Variants in SYN3 observed in about 807,000 individuals in gnomAD.
The protein encoded by SYN3 is synapsin-3.
A neutral mutation model predicts 65.8 loss-of-function variants in SYN3; 35 were observed. That is an observed-to-expected ratio of 0.53 (90% CI 0.41 to 0.70). The LOEUF (loss-of-function observed/expected upper bound fraction) is 0.70. SYN3 is among the 30% of genes least tolerant of loss of function. The pLI, the probability that SYN3 is intolerant of heterozygous loss-of-function variation, is 0.00. For missense variants in SYN3, 680 were observed against 749.0 expected, an observed-to-expected ratio of 0.91 and a Z score of 1.08; for synonymous variants, 270 against 292.9, an observed-to-expected ratio of 0.92 and a Z score of 0.80.
At chr22:32,953,986 A>G (rs58952697) in intron 3 of SYN3, among the ~76,000 whole-genome samples, 6,808 of 152,216 alleles carry the variant, frequency 0.045, 498 homozygotes, top group African/African-American at 0.15. Context: ...TACATTTGCT[A>G]GGATCGAGGT....
chr22:32,736,587 G>T (rs1049645724), intron 6 of SYN3, among the ~76,000 whole-genome samples: 4 of 151,992 alleles, frequency 2.6e-5, no homozygotes, highest in Non-Finnish European at 4.4e-5. Flanking sequence ...AAAAAACTGA[G>T]GCTCAGGAAT....
intron 1 of SYN3, among the ~76,000 whole-genome samples, chr22:33,051,972 G>C (rs2054174117): frequency 6.6e-6 from 1 of 152,122 alleles, no homozygotes. Flanking sequence ...CTTCCTTGTA[G>C]CTCCTGGTGA....
intron 6 of SYN3, among the ~76,000 whole-genome samples, chr22:32,811,516 G>A (rs1251027967): frequency 6.6e-6 from 1 of 152,180 alleles, no homozygotes; most frequent in African/African-American, 2.4e-5. Flanking sequence ...ATCGTGGTTT[G>A]ATCCCCCCGC....
chr22:32,697,118 T>C (rs2060747429), intron 6 of SYN3, among the ~76,000 whole-genome samples: 1 of 152,184 alleles, frequency 6.6e-6, no homozygotes, highest in Non-Finnish European at 1.5e-5. Flanking sequence ...ATCGAACATG[T>C]ATGAAGGAGC....
chr22:32,787,852 A>G (rs1035019076), intron 6 of SYN3, among the ~76,000 whole-genome samples: 1 of 152,084 alleles, frequency 6.6e-6, no homozygotes, highest in Non-Finnish European at 1.5e-5. Flanking sequence ...CTGCAGAATT[A>G]GAAGGATCTG....
intron 6 of SYN3, among the ~76,000 whole-genome samples, chr22:32,841,727 TGCACACTCG>T (rs1400889475): frequency 6.6e-6 from 1 of 151,904 alleles, no homozygotes; most frequent in Non-Finnish European, 1.5e-5. Flanking sequence ...AAATAGCTAA[TGCACACTCG>T]GCTTAATACC....
In SYN3 at chr22:32,761,893, G is replaced by C. The variant is rs559936940; in HGVS notation, c.711+103022C>G. 6.6e-5 allele frequency among the ~76,000 whole-genome samples: 10 copies of C among 152,304 alleles called. No homozygotes were observed. In the East Asian group the frequency reaches 1.9e-3, roughly 29 times the overall value. On this transcript the variant is annotated intron_variant, in intron 6 of 13. Transcript: ENST00000358763. ...CTTAAAATAACTGCACCCGGAGATT[G>C]TCGGATACGGGATGGGGAAGGGGAA...
chr22:32,795,576 T>C (rs1484173279), intron 6 of SYN3, among the ~76,000 whole-genome samples: 1 of 152,162 alleles, frequency 6.6e-6, no homozygotes, highest in East Asian at 1.9e-4. Flanking sequence ...GCTTGCAGTG[T>C]GCACTCCGGT....
chr22:32,513,688 G>A lies in SYN3; in HGVS notation c.*4C>T. Reference sequence around the variant, plus strand: ...GCACTCTTCCCCTCCCAGCCTGGATGGCGTTAGTCAGAGAACAGGCTGGCA... The same window carrying A: ...GCACTCTTCCCCTCCCAGCCTGGATAGCGTTAGTCAGAGAACAGGCTGGCA... On this transcript the variant is annotated 3_prime_UTR_variant, in exon 14 of 14. Transcript: ENST00000358763. The A allele has an allele frequency of 6.2e-7, 1 of 1,613,944 alleles. No homozygotes were observed. Among genetic ancestry groups the A allele is most frequent in the Non-Finnish European group, 8.5e-7 (1 of 1,179,924 alleles).
At chr22:32,681,106 T>G (rs1481224048) in intron 6 of SYN3, among the ~76,000 whole-genome samples, 1 of 150,252 alleles carries the variant, frequency 6.7e-6, no homozygotes, top group Non-Finnish European at 1.5e-5. Flanking sequence ...GTGATGTAGC[T>G]TGGTGAAGTG....
At chr22:32,622,229 C>T (rs111265117) in intron 6 of SYN3, among the ~76,000 whole-genome samples, 5 of 152,168 alleles carry the variant, frequency 3.3e-5, no homozygotes, top group African/African-American at 9.6e-5. Context: ...TGTCCGCTGC[C>T]CTGTCTCCCC....
chr22:32,963,080 C>G (rs1601797167), intron 3 of SYN3, among the ~76,000 whole-genome samples: 1 of 140,376 alleles, frequency 7.1e-6, no homozygotes, highest in South Asian at 2.3e-4. Context: ...TTACAAAATA[C>G]TTTTTTTTTT....
chr22:32,890,082 T>G (rs1411746766), intron 4 of SYN3, among the ~76,000 whole-genome samples: 6 of 145,648 alleles, frequency 4.1e-5, no homozygotes, highest in Non-Finnish European at 7.5e-5. Context: ...CTTTTTTTTT[T>G]TTTTTTTTTT....
intron 6 of SYN3, among the ~76,000 whole-genome samples, chr22:32,689,336 G>A (rs1338462575): frequency 3.9e-5 from 6 of 152,178 alleles, no homozygotes; most frequent in Admixed American, 2.6e-4. Context: ...CCTAATGGCC[G>A]GGTGACTGTG....
intron 6 of SYN3, among the ~76,000 whole-genome samples, chr22:32,674,599 A>C (rs2060415298): frequency 6.6e-6 from 1 of 152,172 alleles, no homozygotes; most frequent in Non-Finnish European, 1.5e-5. Context: ...GAAATGGGAT[A>C]ATTGGATCCC....
chr22:32,850,738 T>A (rs1159622223), intron 6 of SYN3, among the ~76,000 whole-genome samples: 1 of 152,152 alleles, frequency 6.6e-6, no homozygotes, highest in African/African-American at 2.4e-5. Flanking sequence ...GGGTAGGACC[T>A]GGCATGCAAA....
chr22:32,909,750 G>C (rs2050001712), intron 4 of SYN3, among the ~76,000 whole-genome samples: 1 of 151,870 alleles, frequency 6.6e-6, no homozygotes, highest in African/African-American at 2.4e-5. Flanking sequence ...GAACCTGTCA[G>C]CCTTCTCTCC....
chr22:32,884,205 A>G (rs2049227460), intron 4 of SYN3, among the ~76,000 whole-genome samples: 1 of 152,262 alleles, frequency 6.6e-6, no homozygotes, highest in African/African-American at 2.4e-5. Flanking sequence ...CTGCTGGAGC[A>G]TGAACTACCC....
At chr22:32,882,912 C>T (rs904815781) in intron 4 of SYN3, among the ~76,000 whole-genome samples, 3 of 152,120 alleles carry the variant, frequency 2.0e-5, no homozygotes, top group Non-Finnish European at 4.4e-5. Context: ...CCCCGCCCCC[C>T]AACCAGCTCC....
Sources: allele counts gnomAD v4.1 joint callset (sites outside exome capture counted in the v4.1 genomes callset), GRCh38; gene constraint gnomAD v4.1.1; transcripts MANE v1.5; gene names NCBI Gene and HGNC (gene_info 2026-07-23, HGNC 2026-07-21).